The following ZNF438 variants were observed in gnomAD, a reference collection of about 807,000 sequenced individuals.
The protein encoded by ZNF438 is zinc finger protein 438.
In ZNF438, 25 loss-of-function variants were observed where a neutral mutation model predicts 38.0. That is an observed-to-expected ratio of 0.66 (90% CI 0.48 to 0.92). The LOEUF (loss-of-function observed/expected upper bound fraction) is 0.92. Among genes scored for constraint, ZNF438 ranks in the 40% least tolerant of loss-of-function variants. The pLI is 0.00. For synonymous variants in ZNF438, 372 were observed against 364.1 expected, an observed-to-expected ratio of 1.02 and a Z score of -0.25; for missense variants, 1,007 against 999.6, an observed-to-expected ratio of 1.01 and a Z score of -0.10.
intron 1 of ZNF438, among the ~76,000 whole-genome samples, chr10:31,015,109 G>A (rs890193082): frequency 1.1e-4 from 16 of 152,112 alleles, no homozygotes; most frequent in Non-Finnish European, 1.5e-4. Context: ...GCGATCCTCC[G>A]AAAGCACGTC....
intron 2 of ZNF438, among the ~76,000 whole-genome samples, chr10:30,931,967 A>T (rs2045744154): frequency 6.6e-6 from 1 of 152,346 alleles, no homozygotes; most frequent in African/African-American, 2.4e-5. Context: ...AGGAGAAGGT[A>T]GAGGGTAATA....
chr10:30,992,575 A>AG (rs2053616612), intron 1 of ZNF438, among the ~76,000 whole-genome samples: 1 of 151,918 alleles, frequency 6.6e-6, no homozygotes, highest in Non-Finnish European at 1.5e-5. Flanking sequence ...ACCAAGCCCC[A>AG]CTAATTTTTG....
At chr10:30,847,880 C>T (rs1367696281) in intron 5 of ZNF438, among the ~76,000 whole-genome samples, 3 of 152,244 alleles carry the variant, frequency 2.0e-5, no homozygotes, top group South Asian at 4.1e-4. Context: ...CTGTGCCTGG[C>T]TCGCCCTTGG....
chr10:31,007,581 G>A (rs900420845), intron 1 of ZNF438, among the ~76,000 whole-genome samples: 1 of 152,142 alleles, frequency 6.6e-6, no homozygotes, highest in Non-Finnish European at 1.5e-5. Flanking sequence ...CGCCCGGCCA[G>A]ATCTTTTGTT....
intron 2 of ZNF438, among the ~76,000 whole-genome samples, chr10:30,931,243 G>GA (rs1469722102): frequency 3.3e-5 from 5 of 152,196 alleles, no homozygotes; most frequent in African/African-American, 1.2e-4. Flanking sequence ...ATGCCTGTCT[G>GA]AAAAATGACA....
At chr10:31,002,064 C>T (rs184444872) in intron 1 of ZNF438, among the ~76,000 whole-genome samples, 167 of 152,318 alleles carry the variant, frequency 1.1e-3, no homozygotes, top group African/African-American at 3.7e-3. Flanking sequence ...AATGGCACAG[C>T]ATGTTCAGGG....
In ZNF438 at chr10:30,898,170, GGAA is replaced by G. The variant is rs946568875; in HGVS notation, c.-32+10760_-32+10762del. On this transcript the variant is annotated intron_variant, in intron 3 of 5. Coordinates refer to ENST00000413025, the Ensembl canonical transcript of ZNF438. ...GCTAAGGGTGGTAGCCTCTGGAAAA[GGAA>G]GAATTGGAAAGAAAAATGACTTTCT... Among the ~76,000 whole-genome samples, 6 of 151,988 alleles carry G rather than the reference GGAA, an allele frequency of 3.9e-5. 1 individual carries two copies. Among genetic ancestry groups the G allele is most frequent in the Non-Finnish European group, 1.5e-5 (1 of 67,990 alleles).
At chr10:30,944,632 G>A (rs188784439) in intron 1 of ZNF438, among the ~76,000 whole-genome samples, 1 of 152,292 alleles carries the variant, frequency 6.6e-6, no homozygotes, top group East Asian at 1.9e-4. Flanking sequence ...TCTAATTAAG[G>A]AGTTGATACC....
intron 4 of ZNF438, among the ~76,000 whole-genome samples, chr10:30,860,722 T>G (rs1051145430): frequency 6.6e-6 from 1 of 152,222 alleles, no homozygotes; most frequent in African/African-American, 2.4e-5. Context: ...AACAATTCAA[T>G]GCGAATAGGG....
chr10:30,978,242 T>C (rs1005828543), intron 1 of ZNF438, among the ~76,000 whole-genome samples: 2 of 152,178 alleles, frequency 1.3e-5, no homozygotes, highest in African/African-American at 4.8e-5. Context: ...GACTAGACAG[T>C]ATATTGAGAA....
chr10:30,920,222 A>G (rs1293158216), intron 2 of ZNF438: 4 of 152,356 alleles, frequency 2.6e-5, no homozygotes, highest in Middle Eastern at 3.4e-3. Context: ...TTGGTGAGAG[A>G]TAAGAGCTGT....
intron 1 of ZNF438, among the ~76,000 whole-genome samples, chr10:31,008,044 A>G (rs1162313828): frequency 6.6e-6 from 1 of 152,234 alleles, no homozygotes; most frequent in Non-Finnish European, 1.5e-5. Context: ...TATAAACAGT[A>G]GACAAAGCAG....
chr10:30,973,086 CAAT>C (rs750104970), intron 1 of ZNF438, among the ~76,000 whole-genome samples: 2 of 152,032 alleles, frequency 1.3e-5, no homozygotes, highest in Non-Finnish European at 2.9e-5. Context: ...CAAAAACATA[CAAT>C]AATGTTTCCT....
exon 5 of ZNF438, chr10:30,848,903 C>T: frequency 6.2e-7 from 1 of 1,614,154 alleles, no homozygotes; most frequent in Non-Finnish European, 8.5e-7. Context: ...CTTCTTAATG[C>T]CAGAGAATCC....
At chr10:30,927,209 T>C (rs570347053) in intron 2 of ZNF438, among the ~76,000 whole-genome samples, 1 of 152,302 alleles carries the variant, frequency 6.6e-6, no homozygotes, top group South Asian at 2.1e-4. Flanking sequence ...TCAAAAGCCA[T>C]CTCAGTTTTG....
rs1414822771 is a variant in ZNF438 at position 30,907,664 on chromosome 10, T to A, written c.-32+1269A>T. ...TATTTTGACATATAATTACCTTTTT[T>A]AAATTTCTGTAGAGTCAGTAGTGAT... On this transcript the variant is annotated intron_variant, in intron 3 of 5. Coordinates refer to ENST00000413025, the Ensembl canonical transcript of ZNF438. Among the ~76,000 whole-genome samples, 4 of 152,308 alleles carry A rather than the reference T, an allele frequency of 2.6e-5. No homozygotes were observed. In the East Asian group the frequency reaches 7.7e-4, roughly 29 times the overall value.
At chr10:30,943,899 G>A (rs111336016) in intron 1 of ZNF438, among the ~76,000 whole-genome samples, 36 of 150,382 alleles carry the variant, frequency 2.4e-4, no homozygotes, top group African/African-American at 6.1e-4. Context: ...AACAAATTGC[G>A]GCCTTTGAAT....
intron 2 of ZNF438, among the ~76,000 whole-genome samples, chr10:30,912,975 A>T (rs2043231650): frequency 1.3e-5 from 2 of 151,992 alleles, no homozygotes; most frequent in Admixed American, 6.6e-5. Flanking sequence ...CTAATACAAC[A>T]TATCTGTTGG....
At chr10:30,866,467 C>A (rs758238278) in intron 4 of ZNF438, among the ~76,000 whole-genome samples, 18 of 152,152 alleles carry the variant, frequency 1.2e-4, no homozygotes, top group Non-Finnish European at 2.4e-4. Flanking sequence ...TTTCAAGTGG[C>A]AATTGGAATT....
Sources: gnomAD v4.1 joint callset for allele counts (sites outside exome capture counted in the v4.1 genomes callset) on GRCh38, gnomAD v4.1.1 for gene constraint, MANE v1.5 for transcripts, NCBI Gene and HGNC (gene_info 2026-07-23, HGNC 2026-07-21) for gene names.